LMBR1: variants seen among roughly 807,000 people sequenced by gnomAD.
LMBR1 encodes the protein limb region 1 protein homolog.
Under a neutral mutation model 73.9 loss-of-function variants are expected in LMBR1, and 52 were observed. The ratio of observed to expected loss-of-function variants is 0.70; its 90% CI spans 0.56 to 0.89. The LOEUF (loss-of-function observed/expected upper bound fraction) is 0.89, where lower values mean the gene tolerates loss of function less well. LMBR1 is among the 40% of genes least tolerant of loss of function. The pLI is 0.00. For missense variants in LMBR1, 539 were observed against 579.8 expected (o/e 0.93, Z 0.72); for synonymous variants, 215 against 209.4 (o/e 1.03, Z -0.23).
chr7:156,737,017 A>G (rs1427303221), intron 9 of LMBR1, among the ~76,000 whole-genome samples: 2 of 151,104 alleles, frequency 1.3e-5, no homozygotes, highest in Non-Finnish European at 3.0e-5. Flanking sequence ...GCACCCTTTC[A>G]CCCCGGGACT....
At chr7:156,776,878 A>C (rs2133131109) in intron 5 of LMBR1, among the ~76,000 whole-genome samples, 1 of 152,072 alleles carries the variant, frequency 6.6e-6, no homozygotes, top group African/African-American at 2.4e-5. Flanking sequence ...CTTCAATGCT[A>C]CTTGGCAATC....
At chr7:156,762,846 A>AGAGT (rs371734470) in intron 7 of LMBR1, among the ~76,000 whole-genome samples, 8 of 148,628 alleles carry the variant, frequency 5.4e-5, no homozygotes, top group South Asian at 2.2e-4. Context: ...TGTGAGTGTG[A>AGAGT]GTGTGTGTGT....
chr7:156,883,696 T>A (rs1307462250), intron 1 of LMBR1, among the ~76,000 whole-genome samples: 3 of 152,192 alleles, frequency 2.0e-5, no homozygotes, highest in African/African-American at 7.2e-5. Flanking sequence ...ATTCATTTCC[T>A]TGACGTTTCT....
intron 4 of LMBR1, among the ~76,000 whole-genome samples, chr7:156,802,867 C>G (rs1831259457): frequency 6.6e-6 from 1 of 152,094 alleles, no homozygotes; most frequent in Admixed American, 6.5e-5. Flanking sequence ...ACTATCTGAT[C>G]TTTGACAAAC....
At chr7:156,740,181 G>A (rs1174660035) in intron 9 of LMBR1, among the ~76,000 whole-genome samples, 1 of 151,964 alleles carries the variant, frequency 6.6e-6, no homozygotes, top group African/African-American at 2.4e-5. Context: ...TTGAAGACAG[G>A]CTGTTTGAAA....
chr7:156,678,948 G>T lies in LMBR1; in HGVS notation c.*5130C>A, dbSNP rs1585154390. On this transcript the variant is annotated 3_prime_UTR_variant, in exon 17 of 17. Transcript: ENST00000353442. ...CTGGAGGCATTTGATAAGAATAAAG[G>T]TTATAATCTAGAATGAGGATACCTG... The T allele has an allele frequency of 6.6e-6, 1 of 152,212 alleles. No homozygotes were observed. Among genetic ancestry groups the T allele is most frequent in the South Asian group, 2.1e-4 (1 of 4,818 alleles). The allele number at this position is 152,212 out of a possible 1,614,324, so 9.4% of individuals were successfully genotyped here.
intron 4 of LMBR1, among the ~76,000 whole-genome samples, chr7:156,810,341 C>A (rs1351472635): frequency 2.0e-5 from 3 of 152,104 alleles, no homozygotes; most frequent in Non-Finnish European, 4.4e-5. Flanking sequence ...GGGGATCTGC[C>A]CCACTGGCCC....
At chr7:156,854,761 T>A (rs1176464273) in intron 1 of LMBR1, among the ~76,000 whole-genome samples, 2 of 152,150 alleles carry the variant, frequency 1.3e-5, no homozygotes, top group African/African-American at 4.8e-5. Context: ...CTACAAAATG[T>A]TCCCCTCAAT....
chr7:156,693,530 T>C (rs1807667747), intron 15 of LMBR1, among the ~76,000 whole-genome samples: 1 of 152,020 alleles, frequency 6.6e-6, no homozygotes, highest in African/African-American at 2.4e-5. Flanking sequence ...TGCCAACAAA[T>C]TGGATAACCC....
chr7:156,891,855 T>C (rs1356255031), intron 1 of LMBR1, among the ~76,000 whole-genome samples: 1 of 152,238 alleles, frequency 6.6e-6, no homozygotes, highest in Non-Finnish European at 1.5e-5. Flanking sequence ...ATATGTCCTC[T>C]TTATTCAAAG....
intron 5 of LMBR1, among the ~76,000 whole-genome samples, chr7:156,790,426 T>G (rs1395552121): frequency 6.6e-6 from 1 of 152,026 alleles, no homozygotes; most frequent in Non-Finnish European, 1.5e-5. Context: ...TCACAGTCAG[T>G]AAGAAGAGTG....
chr7:156,799,619 G>A (rs73493528), intron 4 of LMBR1, among the ~76,000 whole-genome samples: 3 of 152,088 alleles, frequency 2.0e-5, no homozygotes, highest in African/African-American at 7.2e-5. Flanking sequence ...TTGAAAGTAG[G>A]CCATGTAATA....
At chr7:156,772,352 C>T (rs1334304032) in intron 5 of LMBR1, among the ~76,000 whole-genome samples, 1 of 152,170 alleles carries the variant, frequency 6.6e-6, no homozygotes, top group Non-Finnish European at 1.5e-5. Flanking sequence ...ATGTTAAAAA[C>T]TCTCAACAAA....
At chr7:156,677,670 T>C (rs1174236395), downstream of LMBR1, 2 of 152,250 alleles carry the variant, frequency 1.3e-5, no homozygotes, top group African/African-American at 4.8e-5. Flanking sequence ...CCAAAATTTC[T>C]ATTTATTCTT....
intron 9 of LMBR1, among the ~76,000 whole-genome samples, chr7:156,753,591 A>G (rs1821300276): frequency 6.6e-6 from 1 of 152,118 alleles, no homozygotes; most frequent in South Asian, 2.1e-4. Flanking sequence ...GAAAGTGGAA[A>G]ATCAGGTCAG....
At chr7:156,860,987 C>T (rs1797639245) in intron 1 of LMBR1, among the ~76,000 whole-genome samples, 1 of 152,228 alleles carries the variant, frequency 6.6e-6, no homozygotes, top group Non-Finnish European at 1.5e-5. Flanking sequence ...TGCAAGCTGT[C>T]AGTGGACGTA....
chr7:156,838,586 T>C (rs1838084901), intron 1 of LMBR1, among the ~76,000 whole-genome samples: 1 of 152,236 alleles, frequency 6.6e-6, no homozygotes, highest in South Asian at 2.1e-4. Flanking sequence ...CCCTTGTGTA[T>C]ATACACTACA....
At chr7:156,734,942 T>C (rs1488633549) in intron 9 of LMBR1, among the ~76,000 whole-genome samples, 1 of 152,222 alleles carries the variant, frequency 6.6e-6, no homozygotes, top group Non-Finnish European at 1.5e-5. Context: ...ACCTATTACT[T>C]TACCATTTGC....
In LMBR1 at chr7:156,889,709, C is replaced by T. The variant is rs145018731; in HGVS notation, c.66+3219G>A. 8.7e-4 allele frequency among the ~76,000 whole-genome samples: 133 copies of T among 152,276 alleles called. 1 individual carries two copies. The highest frequency in any genetic ancestry group is 3.0e-3 in the African/African-American group (126 of 41,534). On this transcript the variant is annotated intron_variant, in intron 1 of 16. Transcript: ENST00000353442. ...AGCTCTGGACTGTTTTACAATGTGT[C>T]CCTTTCTCAACCCAAATTCTAGAAT... is the stretch of plus-strand genomic sequence containing the variant.
Sources: gnomAD v4.1 joint callset for allele counts (sites outside exome capture counted in the v4.1 genomes callset) on GRCh38, gnomAD v4.1.1 for gene constraint, MANE v1.5 for transcripts, NCBI Gene and HGNC (gene_info 2026-07-23, HGNC 2026-07-21) for gene names.